Variants in NLK observed in about 807,000 individuals in gnomAD.
NLK encodes serine/threonine-protein kinase NLK.
NLK carries 11 observed loss-of-function variants against 59.0 expected under a neutral mutation model. The observed-to-expected ratio is 0.19, with a 90% confidence interval of 0.12 to 0.31. The LOEUF (loss-of-function observed/expected upper bound fraction) is 0.31, where lower values mean the gene tolerates loss of function less well. Ranked by LOEUF, NLK falls within the 10% of genes least tolerant of loss-of-function variation. NLK has a pLI of 1.00. For missense variants in NLK, 410 were observed against 661.1 expected (o/e 0.62, Z 4.16); for synonymous variants, 235 against 235.9 (o/e 1.00, Z 0.03).
intron 1 of NLK, among the ~76,000 whole-genome samples, chr17:28,114,291 A>G (rs896483665): frequency 2.0e-5 from 3 of 152,158 alleles, no homozygotes; most frequent in Non-Finnish European, 4.4e-5. Context: ...CATAGTGTGT[A>G]TATATTTTTG....
At chr17:28,074,971 A>G (rs979413579) in intron 1 of NLK, among the ~76,000 whole-genome samples, 1 of 152,204 alleles carries the variant, frequency 6.6e-6, no homozygotes. Flanking sequence ...TATAATATGC[A>G]CTTTTCATTT....
chr17:28,124,704 T>G (rs1906218857), intron 2 of NLK, among the ~76,000 whole-genome samples: 2 of 152,166 alleles, frequency 1.3e-5, no homozygotes, highest in African/African-American at 4.8e-5. Flanking sequence ...TGTCAGAGAC[T>G]CAAGTAAAGG....
At chr17:28,130,144 G>C (rs1471587142) in intron 2 of NLK, among the ~76,000 whole-genome samples, 1 of 152,112 alleles carries the variant, frequency 6.6e-6, no homozygotes. Context: ...TTACAAGCAC[G>C]TATTTATATC....
downstream of NLK, among the ~76,000 whole-genome samples, chr17:28,197,507 A>G (rs1279107914): frequency 6.6e-6 from 1 of 151,814 alleles, no homozygotes; most frequent in Non-Finnish European, 1.5e-5. Flanking sequence ...TCCTTTACAG[A>G]TAAGTATTTG....
At chr17:28,183,416 C>T (rs1002801675) in intron 7 of NLK, among the ~76,000 whole-genome samples, 3 of 152,142 alleles carry the variant, frequency 2.0e-5, no homozygotes, top group Non-Finnish European at 4.4e-5. Context: ...ACAGCCTGAA[C>T]CTCCCAGGTT....
chr17:28,153,521 C>G (rs1345421640), intron 3 of NLK, among the ~76,000 whole-genome samples: 1 of 152,180 alleles, frequency 6.6e-6, no homozygotes, highest in Non-Finnish European at 1.5e-5. Flanking sequence ...TAGAGAGGCT[C>G]TGACCTCATG....
chr17:28,101,068 C>T (rs1904885896), intron 1 of NLK, among the ~76,000 whole-genome samples: 1 of 152,058 alleles, frequency 6.6e-6, no homozygotes, highest in African/African-American at 2.4e-5. Context: ...TTACCTTGGC[C>T]TTTGTTGAAA....
At chr17:28,153,639 C>T (rs554260676) in intron 3 of NLK, among the ~76,000 whole-genome samples, 23 of 152,246 alleles carry the variant, frequency 1.5e-4, no homozygotes, top group South Asian at 8.3e-4. Context: ...CATAACAAAA[C>T]GCTTAATGCA....
In NLK at chr17:28,146,404, TGAC is replaced by T. The variant is rs1216389987; in HGVS notation, c.644+13732_644+13734del. ...ATGTTGATGATGATGATGATGATGATGACGATGATGATGATGATGATAGCAGCT... is the reference window on the plus strand; with the variant it reads ...ATGTTGATGATGATGATGATGATGATGATGATGATGATGATGATAGCAGCT... On this transcript the variant is annotated intron_variant, in intron 3 of 10. Transcript: ENST00000407008. Among the ~76,000 whole-genome samples the T allele has an allele frequency of 3.7e-3, 560 of 151,358 alleles. 3 individuals are homozygous for T. The highest frequency in any genetic ancestry group is 0.013 in the African/African-American group (524 of 41,048).
At chr17:28,168,896 A>AT (rs1908351428) in intron 6 of NLK, among the ~76,000 whole-genome samples, 1 of 151,814 alleles carries the variant, frequency 6.6e-6, no homozygotes, top group Non-Finnish European at 1.5e-5. Flanking sequence ...TATTATTATT[A>AT]TTTTTTGAGA....
At chr17:28,051,263 T>C (rs1348132180) in intron 1 of NLK, among the ~76,000 whole-genome samples, 1 of 152,034 alleles carries the variant, frequency 6.6e-6, no homozygotes, top group African/African-American at 2.4e-5. Context: ...ATTAATACAA[T>C]TCTTCCAAAT....
At chr17:28,090,955 A>G (rs1191743946) in intron 1 of NLK, among the ~76,000 whole-genome samples, 1 of 151,958 alleles carries the variant, frequency 6.6e-6, no homozygotes, top group Non-Finnish European at 1.5e-5. Flanking sequence ...AATTTTCTTC[A>G]TGTTTCTTCT....
chr17:28,170,883 A>G (rs1054449371), intron 6 of NLK, among the ~76,000 whole-genome samples: 7 of 152,192 alleles, frequency 4.6e-5, no homozygotes, highest in Non-Finnish European at 1.0e-4. Flanking sequence ...CTGCAGGAGA[A>G]TTCATGTCTG....
In NLK at chr17:28,194,983, T is replaced by TCACA. The variant is rs35187605; in HGVS notation, c.*376_*379dup. ...CTTTTCTAAAATGAAGTGAGATTGT[T>TCACA]CACACACACACACACACACACACAC... On this transcript the variant is annotated 3_prime_UTR_variant, in exon 11 of 11. Transcript: ENST00000407008. 0.033 allele frequency: 5,155 copies of TCACA among 158,438 alleles called. 132 individuals carry two copies. The highest frequency in any genetic ancestry group is 0.078 in the African/African-American group (3,128 of 39,864). 9.8% of individuals were successfully genotyped at this position (158,438 alleles called of 1,614,324 possible). A position where few individuals can be genotyped will look rare whatever the true frequency, so the allele number is the denominator to read the frequency against.
rs137866267 is a variant in NLK, at chr17:28,043,060, C to A, written c.187C>A (p.Pro63Thr). ...LHPGSAAAVH[P>T]VQQHTSSAAA... is the part of the protein sequence containing the mutation. ...TCCGGGGTCGGCTGCCGCTGTACAC[C>A]CTGTACAGCAGCACACCTCTTCGGC... Residue 63 changes from proline (P) to threonine (T), a missense_variant, in exon 1 of 11, where the codon CCT becomes ACT. Pro to Thr is a conservative substitution (Grantham distance 38). Coordinates refer to ENST00000407008, the MANE Select transcript of NLK (RefSeq NM_016231.5). 8.4e-4 allele frequency: 1,316 copies of A among 1,564,748 alleles called. 2 individuals carry two copies. The highest frequency in any genetic ancestry group is 4.0e-3 in the Admixed American group (204 of 51,564).
At chr17:28,158,622 G>C (rs1030923085) in intron 3 of NLK, among the ~76,000 whole-genome samples, 14 of 152,016 alleles carry the variant, frequency 9.2e-5, no homozygotes, top group South Asian at 2.1e-4. Context: ...TTGTACAGCT[G>C]TACAAAAATT....
chr17:28,193,183 A>G (rs148146600), intron 10 of NLK, among the ~76,000 whole-genome samples: 130 of 152,354 alleles, frequency 8.5e-4, no homozygotes, highest in African/African-American at 2.9e-3. Flanking sequence ...AGGATTCTGA[A>G]GGCTGCTGAA....
chr17:28,098,545 G>A (rs79021984), intron 1 of NLK, among the ~76,000 whole-genome samples: 4,415 of 152,062 alleles, frequency 0.029, 201 homozygotes, highest in African/African-American at 0.1. Flanking sequence ...CAATAAGGGT[G>A]CATGTATATT....
At chr17:28,114,714 A>T (rs774032777) in intron 1 of NLK, among the ~76,000 whole-genome samples, 39 of 152,108 alleles carry the variant, frequency 2.6e-4, no homozygotes, top group Non-Finnish European at 5.4e-4. Flanking sequence ...CCTACCTGGA[A>T]TTTGTTTTTG....
Sources: gnomAD v4.1 joint callset for allele counts (sites outside exome capture counted in the v4.1 genomes callset) on GRCh38, gnomAD v4.1.1 for gene constraint, MANE v1.5 for transcripts, NCBI Gene and HGNC (gene_info 2026-07-23, HGNC 2026-07-21) for gene names.